GALK1: variants seen among roughly 807,000 people sequenced by gnomAD.
The protein encoded by GALK1 is galactokinase.
Under a neutral mutation model 38.6 loss-of-function variants are expected in GALK1, and 30 were observed. The observed-to-expected ratio is 0.78, with a 90% CI of 0.58 to 1.05. The LOEUF (loss-of-function observed/expected upper bound fraction) is 1.05, where lower values mean the gene tolerates loss of function less well. Among genes scored for constraint, GALK1 ranks in the 50% least tolerant of loss-of-function variants. The pLI is 0.00. For synonymous variants in GALK1, 240 were observed against 233.6 expected, an observed-to-expected ratio of 1.03 and a Z score of -0.25; for missense variants, 512 against 540.5, an observed-to-expected ratio of 0.95 and a Z score of 0.52.
chr17:75,763,992 C>A lies in GALK1; in HGVS notation c.260G>T (p.Arg87Leu). The change falls in exon 2 of 8, where the codon CGG (arginine) becomes CTG (leucine). Residue 87 changes from arginine (R) to leucine (L), a missense_variant. By Grantham distance (102) the Arg-to-Leu change is moderately radical. Coordinates refer to ENST00000588479, the MANE Select transcript of GALK1 (RefSeq NM_000154.2). ...GGCTGTGGGCAGTGGAAACTGCAGCCGCTGGGGCTCATCGGCACCCTCAGA... is the reference window on the plus strand; with the variant it reads ...GGCTGTGGGCAGTGGAAACTGCAGCAGCTGGGGCTCATCGGCACCCTCAGA... ...TTSEGADEPQ[R>L]LQFPLPTAQR... 1 of 1,612,058 alleles carries A rather than the reference C, an allele frequency of 6.2e-7. No homozygotes were observed. Among genetic ancestry groups the A allele is most frequent in the African/African-American group, 1.3e-5 (1 of 75,044 alleles).
intron 5 of GALK1, among the ~76,000 whole-genome samples, chr17:75,761,973 T>C (rs2061589263): frequency 6.6e-6 from 1 of 151,748 alleles, no homozygotes; most frequent in South Asian, 2.1e-4. Flanking sequence ...TGAGCTGAGA[T>C]CGCACCATTG....
chr17:75,754,288 AG>A (rs1376360601), downstream of GALK1, among the ~76,000 whole-genome samples: 2 of 152,148 alleles, frequency 1.3e-5, no homozygotes, highest in African/African-American at 4.8e-5. Flanking sequence ...GGATCTCCCC[AG>A]GGCAGAGCTG....
intron 1 of GALK1, 154 bp downstream of exon 1, chr17:75,764,818 C>G: frequency 1.2e-6 from 1 of 808,326 alleles, no homozygotes; most frequent in South Asian, 1.7e-5. Flanking sequence ...AACAGCCTGT[C>G]CCGGGGACTC....
Position 75,758,028 on chromosome 17 carries a change from C to T in GALK1, c.*28G>A. On this transcript the variant is annotated 3_prime_UTR_variant, in exon 8 of 8. Transcript: ENST00000588479. ...TGGGACTGGCCTGCAGGCCCCGCAC[C>T]CTCACCGTGTGCTGTCCTGGGGGTG... 6.2e-7 allele frequency: 1 copy of T among 1,611,750 alleles called. No homozygotes were observed. The highest frequency in any genetic ancestry group is 8.5e-7 in the Non-Finnish European group (1 of 1,179,362).
chr17:75,763,530 G>C (rs1669903524), intron 2 of GALK1, 91 bp from the exon 3 acceptor site: 7 of 1,383,644 alleles, frequency 5.1e-6, no homozygotes, highest in Non-Finnish European at 7.0e-6. Flanking sequence ...GGCAGCAACG[G>C]CCTAGCAGCT....
chr17:75,756,009 C>A (rs1462176229), downstream of GALK1, among the ~76,000 whole-genome samples: 1 of 152,242 alleles, frequency 6.6e-6, no homozygotes, highest in Non-Finnish European at 1.5e-5. Context: ...CATTCTCCAC[C>A]CCACTTCTTT....
intron 2 of GALK1, 124 bp from the exon 3 acceptor site, chr17:75,763,563 T>C (rs2061597522): frequency 8.8e-7 from 1 of 1,140,290 alleles, no homozygotes; most frequent in Non-Finnish European, 1.3e-6. Context: ...TGTGTCTCAA[T>C]TGTCAGAAGC....
chr17:75,759,257 G>A (rs927305117), intron 5 of GALK1, among the ~76,000 whole-genome samples: 6 of 152,136 alleles, frequency 3.9e-5, no homozygotes, highest in African/African-American at 1.2e-4. Context: ...GCGAAACCCC[G>A]TCTCTACTAA....
intron 8 of GALK1, chr17:75,752,248 G>T: frequency 6.2e-7 from 1 of 1,613,686 alleles, no homozygotes; most frequent in Non-Finnish European, 8.5e-7. Context: ...GAACCTTCGG[G>T]AGTCCCAGCC....
intron 2 of GALK1, 63 bp downstream of exon 2, chr17:75,763,834 C>G (rs892435579): frequency 1.1e-5 from 16 of 1,449,072 alleles, no homozygotes; most frequent in Admixed American, 7.0e-5. Context: ...TGAATGGGCT[C>G]TGTGGCTGTG....
downstream of GALK1, among the ~76,000 whole-genome samples, chr17:75,753,145 C>A (rs972680731): frequency 4.6e-5 from 7 of 152,254 alleles, no homozygotes; most frequent in African/African-American, 1.7e-4. Flanking sequence ...TCACACAGTA[C>A]CATGAGTGGA....
At chr17:75,755,457 G>A (rs773728822), downstream of GALK1, among the ~76,000 whole-genome samples, 2 of 152,176 alleles carry the variant, frequency 1.3e-5, no homozygotes, top group African/African-American at 2.4e-5. Context: ...AGCAGTTGAG[G>A]GGGTGGGGCT....
At chr17:75,753,630 G>C (rs2061418076), downstream of GALK1, 1 of 521,348 alleles carries the variant, frequency 1.9e-6, no homozygotes, top group African/African-American at 2.0e-5. Flanking sequence ...ATCTACCCCC[G>C]CCCCCAACAC....
At chr17:75,754,828 A>G (rs762823073), downstream of GALK1, 2 of 1,613,876 alleles carry the variant, frequency 1.2e-6, no homozygotes, top group African/African-American at 2.7e-5. Context: ...GAGTGACCTC[A>G]GCCAACCCTG....
At chr17:75,757,695 G>A, downstream of GALK1, 1 of 1,223,384 alleles carries the variant, frequency 8.2e-7, no homozygotes, top group Non-Finnish European at 1.2e-6. Context: ...GGTGTCTCCT[G>A]GGAGGCATGA....
At chr17:75,754,656 G>A, downstream of GALK1, 1 of 1,613,994 alleles carries the variant, frequency 6.2e-7, no homozygotes, top group Non-Finnish European at 8.5e-7. Flanking sequence ...GACCAGTGCT[G>A]CTGCCTATGG....
downstream of GALK1, chr17:75,756,658 C>T (rs746488717): frequency 6.2e-6 from 10 of 1,613,016 alleles, no homozygotes; most frequent in Non-Finnish European, 8.5e-6. Context: ...CCCCATCATG[C>T]CCACCACCCA....
At position 75,752,483 on chromosome 17, in the gene GALK1, G is replaced by C. The variant is rs2061391218; in HGVS notation, c.*23-746C>G. 2 of 1,613,650 alleles carry C rather than the reference G, an allele frequency of 1.2e-6. No homozygotes were observed. The highest frequency in any genetic ancestry group is 1.7e-6 in the Non-Finnish European group (2 of 1,180,016). On this transcript the variant is annotated intron_variant, in intron 8 of 8. Coordinates refer to the GALK1 transcript ENST00000225614. ...CTGACATCCCTATCGTGGACGCCCA[G>C]AGCGGGGAGGACTACGACAGCTTCC... is the stretch of plus-strand genomic sequence containing the variant.
At chr17:75,755,952 C>G, downstream of GALK1, 1 of 1,390,122 alleles carries the variant, frequency 7.2e-7, no homozygotes, top group Non-Finnish European at 9.9e-7. Flanking sequence ...CCACCCAAGT[C>G]CCTTGAGCGC....
Sources: allele counts gnomAD v4.1 joint callset (sites outside exome capture counted in the v4.1 genomes callset), GRCh38; gene constraint gnomAD v4.1.1; transcripts MANE v1.5; gene names NCBI Gene and HGNC (gene_info 2026-07-23, HGNC 2026-07-21).